RBFOX1: variants seen among roughly 807,000 people sequenced by gnomAD.
RBFOX1 encodes RNA binding fox-1 homolog 1, also known as RNA binding protein fox-1 homolog 1.
In RBFOX1, 8 loss-of-function variants were observed where a neutral mutation model predicts 57.7. The observed-to-expected ratio is 0.14, with a 90% CI of 0.08 to 0.25. The LOEUF (loss-of-function observed/expected upper bound fraction) is 0.25, where lower values mean the gene tolerates loss of function less well. Among genes scored for constraint, RBFOX1 ranks in the 10% least tolerant of loss-of-function variants. The probability of loss-of-function intolerance (pLI) is 1.00; values close to 1 mark genes in which losing one functional copy is unlikely to be tolerated. For missense variants in RBFOX1, 611 were observed against 548.5 expected (o/e 1.11, Z -1.14); for synonymous variants, 326 against 222.4 (o/e 1.47, Z -4.15).
At chr16:7,560,825 G>A (rs2090153507) in intron 5 of RBFOX1, among the ~76,000 whole-genome samples, 1 of 152,164 alleles carries the variant, frequency 6.6e-6, no homozygotes, top group Admixed American at 6.5e-5. Context: ...GACTTTTTTA[G>A]GGGACCTAAA....
In RBFOX1 at chr16:5,919,583, A is replaced by T. The variant is rs181097756; in HGVS notation, c.351+52248A>T. ...GGTCCCAAACTCCCGACCCGAGGTG[A>T]TCCGCATGCCTCGGCCTCCCAAAGT... On this transcript the variant is annotated intron_variant, in intron 4 of 19. Transcript: ENST00000641259. Among the ~76,000 whole-genome samples, 97 of 152,298 alleles carry T rather than the reference A, an allele frequency of 6.4e-4. No individual in the cohort carries two copies. In the South Asian group the frequency reaches 9.9e-3, roughly 16 times the overall value.
At chr16:5,522,609 T>C (rs893745734) in intron 2 of RBFOX1, among the ~76,000 whole-genome samples, 2 of 152,216 alleles carry the variant, frequency 1.3e-5, no homozygotes, top group Non-Finnish European at 2.9e-5. Context: ...ATAGTCACTC[T>C]ACTCTGCCAT....
chr16:7,455,380 A>G lies in RBFOX1; in HGVS notation c.28-62767A>G, dbSNP rs1241231100. Among the ~76,000 whole-genome samples the G allele has an allele frequency of 2.0e-5, 3 of 152,172 alleles. No homozygotes were observed. In the East Asian group the frequency reaches 5.8e-4, roughly 29 times the overall value. On this transcript the variant is annotated intron_variant, in intron 4 of 15. Coordinates refer to ENST00000550418, the MANE Select transcript of RBFOX1 (RefSeq NM_018723.4). Reference sequence around the variant, plus strand: ...GTATGTCTCTGTGCACATGCATGATAGGTTTCTATCCAGCCTTACTCTCCA... The same window carrying G: ...GTATGTCTCTGTGCACATGCATGATGGGTTTCTATCCAGCCTTACTCTCCA...
intron 3 of RBFOX1, among the ~76,000 whole-genome samples, chr16:6,879,441 C>G (rs528846846): frequency 1.2e-4 from 18 of 152,238 alleles, no homozygotes; most frequent in African/African-American, 3.6e-4. Flanking sequence ...ACTTTAAAAA[C>G]TGTTCTTTCA....
At chr16:6,078,484 G>T (rs140571605) in intron 1 of RBFOX1, among the ~76,000 whole-genome samples, 1 of 151,662 alleles carries the variant, frequency 6.6e-6, no homozygotes, top group African/African-American at 2.4e-5. Context: ...TTCTTCTTCC[G>T]CCGTGGCTCA....
intron 2 of RBFOX1, among the ~76,000 whole-genome samples, chr16:5,551,114 C>A (rs1188376836): frequency 6.6e-6 from 1 of 152,158 alleles, no homozygotes; most frequent in Non-Finnish European, 1.5e-5. Flanking sequence ...GCCACTCTTG[C>A]CTCAGTTTCC....
At chr16:6,657,169 C>G (rs149588420) in intron 3 of RBFOX1, among the ~76,000 whole-genome samples, 1 of 150,322 alleles carries the variant, frequency 6.7e-6, no homozygotes, top group Non-Finnish European at 1.5e-5. Context: ...TCCTCCTTCC[C>G]TTTTTCTCTC....
chr16:7,497,149 G>T (rs532773891), intron 4 of RBFOX1, among the ~76,000 whole-genome samples: 62 of 152,206 alleles, frequency 4.1e-4, no homozygotes, highest in African/African-American at 1.4e-3. Flanking sequence ...ATGGCCTCCC[G>T]TTACTTAAAG....
At chr16:5,864,849 C>A (rs2057310108) in intron 3 of RBFOX1, among the ~76,000 whole-genome samples, 2 of 152,154 alleles carry the variant, frequency 1.3e-5, no homozygotes, top group Non-Finnish European at 2.9e-5. Flanking sequence ...ACCCCACAGG[C>A]CCTGCCACTC....
chr16:6,680,432 T>G (rs1314285230), intron 3 of RBFOX1, among the ~76,000 whole-genome samples: 1 of 151,938 alleles, frequency 6.6e-6, no homozygotes, highest in Non-Finnish European at 1.5e-5. Flanking sequence ...CTGGCTAATT[T>G]TTTTGTATTT....
chr16:6,646,275 C>A (rs8051992), intron 2 of RBFOX1, among the ~76,000 whole-genome samples: 1 of 152,084 alleles, frequency 6.6e-6, no homozygotes, highest in African/African-American at 2.4e-5. Flanking sequence ...CAATTTGAGT[C>A]CAGCATTGTT....
chr16:5,496,336 C>T (rs1413495191), intron 2 of RBFOX1, among the ~76,000 whole-genome samples: 1 of 152,120 alleles, frequency 6.6e-6, no homozygotes, highest in African/African-American at 2.4e-5. Flanking sequence ...GTCCCACTGG[C>T]ATTTGGGGAC....
intron 2 of RBFOX1, among the ~76,000 whole-genome samples, chr16:5,560,361 C>T (rs1338409946): frequency 6.6e-6 from 1 of 152,152 alleles, no homozygotes; most frequent in Non-Finnish European, 1.5e-5. Context: ...TGAATTACTT[C>T]CTCCAGGAAG....
intron 1 of RBFOX1, among the ~76,000 whole-genome samples, chr16:5,459,489 C>A (rs948798398): frequency 6.6e-6 from 1 of 151,620 alleles, no homozygotes; most frequent in Non-Finnish European, 1.5e-5. Flanking sequence ...GAATCCCAGG[C>A]TCACGTGACC....
intron 3 of RBFOX1, among the ~76,000 whole-genome samples, chr16:5,660,309 G>T (rs1430239011): frequency 2.6e-5 from 4 of 152,174 alleles, no homozygotes; most frequent in Admixed American, 2.6e-4. Context: ...TTTGTGACCA[G>T]CAGGTCCTCC....
At chr16:6,547,582 T>G (rs2153852438) in intron 2 of RBFOX1, among the ~76,000 whole-genome samples, 1 of 152,262 alleles carries the variant, frequency 6.6e-6, no homozygotes, top group South Asian at 2.1e-4. Context: ...AATAACACCT[T>G]TTTTCTCTGT....
At chr16:6,077,641 C>A (rs986005340) in intron 1 of RBFOX1, among the ~76,000 whole-genome samples, 1 of 151,962 alleles carries the variant, frequency 6.6e-6, no homozygotes, top group Non-Finnish European at 1.5e-5. Flanking sequence ...AGTGCCCATG[C>A]ACTTTTCCCC....
Position 7,209,793 on chromosome 16 carries a change from AT to A in RBFOX1, c.27+157696del, listed in dbSNP as rs537813633. On this transcript the variant is annotated intron_variant, in intron 4 of 15. Coordinates refer to ENST00000550418, the MANE Select transcript of RBFOX1 (RefSeq NM_018723.4). ...GGGGCGTTCTGTTGTGTTCAGCCAA[AT>A]GTTGAATGAATGGATGATGCAATAG... is the stretch of plus-strand genomic sequence containing the variant. 2.3e-3 allele frequency among the ~76,000 whole-genome samples: 349 copies of A among 152,254 alleles called. 3 individuals carry two copies. Among genetic ancestry groups the A allele is most frequent in the Non-Finnish European group, 4.3e-4 (29 of 68,026 alleles).
chr16:7,681,969 GT>G (rs1045966858), intron 14 of RBFOX1, among the ~76,000 whole-genome samples: 1 of 152,100 alleles, frequency 6.6e-6, no homozygotes, highest in African/African-American at 2.4e-5. Flanking sequence ...ATTGAAAGCA[GT>G]ATCTCCCAAG....
Sources: gnomAD v4.1 joint callset for allele counts (sites outside exome capture counted in the v4.1 genomes callset) on GRCh38, gnomAD v4.1.1 for gene constraint, MANE v1.5 for transcripts, NCBI Gene and HGNC (gene_info 2026-07-23, HGNC 2026-07-21) for gene names.